VTI1A: variants seen among roughly 807,000 people sequenced by gnomAD.
VTI1A encodes vesicle transport through interaction with t-SNAREs homolog 1A.
A neutral mutation model predicts 34.9 loss-of-function variants in VTI1A; 22 were observed. The ratio of observed to expected loss-of-function variants is 0.63; its 90% CI spans 0.45 to 0.90. The LOEUF (loss-of-function observed/expected upper bound fraction) is 0.90, where lower values mean the gene tolerates loss of function less well. Ranked by LOEUF, VTI1A falls within the 40% of genes least tolerant of loss-of-function variation. VTI1A has a pLI of 0.00. For missense variants in VTI1A, 268 were observed against 275.6 expected (o/e 0.97, Z 0.20); for synonymous variants, 87 against 97.3 (o/e 0.89, Z 0.62).
At chr10:112,570,043 G>T (rs886662481) in intron 5 of VTI1A, among the ~76,000 whole-genome samples, 2 of 152,126 alleles carry the variant, frequency 1.3e-5, no homozygotes, top group Non-Finnish European at 2.9e-5. Context: ...ACATAATTAA[G>T]GGGATTTCTT....
intron 7 of VTI1A, among the ~76,000 whole-genome samples, chr10:112,770,553 G>A (rs1484260799): frequency 2.0e-5 from 3 of 149,358 alleles, no homozygotes; most frequent in Non-Finnish European, 4.4e-5. Flanking sequence ...CTGTCACCAC[G>A]CCCGGCTAAT....
intron 4 of VTI1A, among the ~76,000 whole-genome samples, chr10:112,532,181 A>T (rs1177068551): frequency 6.6e-6 from 1 of 152,230 alleles, no homozygotes; most frequent in Non-Finnish European, 1.5e-5. Flanking sequence ...TGGAATGCAT[A>T]CTGCCTTCCT....
chr10:112,648,458 G>C (rs1211718114), intron 5 of VTI1A, among the ~76,000 whole-genome samples: 1 of 152,182 alleles, frequency 6.6e-6, no homozygotes, highest in African/African-American at 2.4e-5. Flanking sequence ...CAAGCTCAGT[G>C]CACCAGACTC....
chr10:112,782,950 A>C (rs1193656625), intron 7 of VTI1A, among the ~76,000 whole-genome samples: 1 of 152,180 alleles, frequency 6.6e-6, no homozygotes, highest in African/African-American at 2.4e-5. Flanking sequence ...TCATAAATGA[A>C]AATACCATCA....
intron 5 of VTI1A, among the ~76,000 whole-genome samples, chr10:112,592,135 A>C (rs987134395): frequency 2.6e-5 from 4 of 152,220 alleles, no homozygotes; most frequent in African/African-American, 9.7e-5. Flanking sequence ...AAGTTCAGCC[A>C]GTAACCAGAA....
chr10:112,473,798 A>G (rs550060925), intron 3 of VTI1A, among the ~76,000 whole-genome samples: 20 of 152,360 alleles, frequency 1.3e-4, no homozygotes, highest in Non-Finnish European at 2.6e-4. Context: ...AGTACTTTAC[A>G]TGCATTACTC....
chr10:112,630,620 A>G (rs1165832841), intron 5 of VTI1A, among the ~76,000 whole-genome samples: 1 of 152,142 alleles, frequency 6.6e-6, no homozygotes. Context: ...ACCTCTATTC[A>G]CTTGATTCTA....
At chr10:112,598,845 A>G (rs1001589802) in intron 5 of VTI1A, among the ~76,000 whole-genome samples, 2 of 152,180 alleles carry the variant, frequency 1.3e-5, no homozygotes, top group Admixed American at 6.5e-5. Flanking sequence ...AAGACCTGCT[A>G]TGCATTCATA....
chr10:112,736,137 A>ATATATATATATATG (rs1850460132), intron 7 of VTI1A, among the ~76,000 whole-genome samples: 1 of 145,278 alleles, frequency 6.9e-6, no homozygotes, highest in Admixed American at 6.9e-5. Context: ...ATATATATAT[A>ATATATATATATATG]TGTAAATGTA....
chr10:112,641,001 C>T (rs1381104049), intron 5 of VTI1A, among the ~76,000 whole-genome samples: 1 of 152,012 alleles, frequency 6.6e-6, no homozygotes, highest in Non-Finnish European at 1.5e-5. Flanking sequence ...TGGCTGTTTT[C>T]ATATAACTTC....
At chr10:112,734,111 T>G (rs1353985837) in intron 7 of VTI1A, among the ~76,000 whole-genome samples, 3 of 152,104 alleles carry the variant, frequency 2.0e-5, no homozygotes, top group Non-Finnish European at 4.4e-5. Flanking sequence ...CCAGTTTGTC[T>G]TTCTCAAACG....
chr10:112,548,871 A>C (rs1564822649), intron 5 of VTI1A: 1 of 1,383,870 alleles, frequency 7.2e-7, no homozygotes, highest in Non-Finnish European at 9.9e-7. Flanking sequence ...AACGGTGATC[A>C]ATCACTTTTT....
chr10:112,604,079 G>T (rs1490211127), intron 5 of VTI1A, among the ~76,000 whole-genome samples: 1 of 152,106 alleles, frequency 6.6e-6, no homozygotes, highest in South Asian at 2.1e-4. Context: ...TTAACACAGG[G>T]TGGGGATACG....
At chr10:112,736,111 G>GTA (rs372188173) in intron 7 of VTI1A, among the ~76,000 whole-genome samples, 3,688 of 116,068 alleles carry the variant, frequency 0.032, 74 homozygotes, top group South Asian at 0.068. Flanking sequence ...ATGTGTGTGT[G>GTA]TATATATATA....
chr10:112,475,653 A>T (rs1848253022), intron 3 of VTI1A, among the ~76,000 whole-genome samples: 1 of 152,150 alleles, frequency 6.6e-6, no homozygotes, highest in Admixed American at 6.5e-5. Context: ...ATCCTTCTTA[A>T]ATGACTTAAA....
At chr10:112,552,491 T>C (rs1432388404) in intron 5 of VTI1A, among the ~76,000 whole-genome samples, 1 of 152,128 alleles carries the variant, frequency 6.6e-6, no homozygotes, top group African/African-American at 2.4e-5. Context: ...ATTTAAGAGA[T>C]GCACGAGTTT....
At chr10:112,750,068 G>T (rs571991918) in intron 7 of VTI1A, among the ~76,000 whole-genome samples, 18 of 152,300 alleles carry the variant, frequency 1.2e-4, no homozygotes, top group African/African-American at 3.8e-4. Context: ...AGGTAGAGAT[G>T]AATGAGGAGG....
intron 7 of VTI1A, chr10:112,737,004 C>T: frequency 3.7e-6 from 2 of 547,864 alleles, no homozygotes; most frequent in Non-Finnish European, 6.5e-6. Context: ...CATCCCAGAG[C>T]TTTATGATTC....
At chr10:112,599,545 C>T (rs1423500740) in intron 5 of VTI1A, among the ~76,000 whole-genome samples, 1 of 152,130 alleles carries the variant, frequency 6.6e-6, no homozygotes, top group Non-Finnish European at 1.5e-5. Flanking sequence ...GCCTTCAATG[C>T]CAGAGACTTT....
Sources: allele counts gnomAD v4.1 joint callset (sites outside exome capture counted in the v4.1 genomes callset), GRCh38; gene constraint gnomAD v4.1.1; transcripts MANE v1.5; gene names NCBI Gene and HGNC (gene_info 2026-07-23, HGNC 2026-07-21).